Variants in F13A1 observed in about 807,000 individuals in gnomAD.
F13A1 encodes coagulation factor XIII A chain, also known as FSF, A subunit.
A neutral mutation model predicts 80.1 loss-of-function variants in F13A1; 47 were observed. That is an observed-to-expected ratio of 0.59 (90% CI 0.46 to 0.75). F13A1 has a LOEUF of 0.75. Among genes scored for constraint, F13A1 ranks in the 30% least tolerant of loss-of-function variants. The pLI is 0.00. For synonymous variants in F13A1, 349 were observed against 344.9 expected (o/e 1.01, Z -0.13); for missense variants, 817 against 930.4 (o/e 0.88, Z 1.59).
At chr6:6,249,126 T>C (rs895765228) in intron 5 of F13A1, among the ~76,000 whole-genome samples, 4 of 152,238 alleles carry the variant, frequency 2.6e-5, no homozygotes, top group Non-Finnish European at 4.4e-5. Flanking sequence ...AGGAAGATTT[T>C]ACCTATACTG....
intron 4 of F13A1, among the ~76,000 whole-genome samples, chr6:6,252,412 T>C (rs1757645627): frequency 6.6e-6 from 1 of 152,336 alleles, no homozygotes; most frequent in South Asian, 2.1e-4. Context: ...TATGTACATA[T>C]GTATCTATGT....
intron 2 of F13A1, among the ~76,000 whole-genome samples, chr6:6,315,489 G>A (rs1319091142): frequency 1.3e-5 from 2 of 151,774 alleles, no homozygotes; most frequent in Admixed American, 1.3e-4. Flanking sequence ...AAACTTACAT[G>A]AGTTTATACA....
intron 8 of F13A1, among the ~76,000 whole-genome samples, chr6:6,221,581 A>C (rs1184510116): frequency 6.6e-6 from 1 of 152,186 alleles, no homozygotes; most frequent in Non-Finnish European, 1.5e-5. Flanking sequence ...TATTAATAAC[A>C]TCCACCTGAT....
intron 10 of F13A1, among the ~76,000 whole-genome samples, chr6:6,193,472 AC>A (rs1761237329): frequency 6.6e-6 from 1 of 152,142 alleles, no homozygotes; most frequent in Non-Finnish European, 1.5e-5. Flanking sequence ...CACTGCAGGC[AC>A]CCTTGAGAAA....
Position 6,234,128 on chromosome 6 carries a change from G to T in F13A1, c.799-9268C>A, listed in dbSNP as rs114604943. On this transcript the variant is annotated intron_variant, in intron 6 of 14. Coordinates refer to ENST00000264870, the MANE Select transcript of F13A1 (RefSeq NM_000129.4). ...AATAAGTTAAGAGAAAGAAATAAAGGACATCCAAATAGGTAAAGAGGAAGT... is the reference window on the plus strand; with the variant it reads ...AATAAGTTAAGAGAAAGAAATAAAGTACATCCAAATAGGTAAAGAGGAAGT... 2.7e-3 allele frequency among the ~76,000 whole-genome samples: 411 copies of T among 152,098 alleles called. 1 individual carries two copies. The highest frequency in any genetic ancestry group is 9.4e-3 in the African/African-American group (389 of 41,532).
At chr6:6,173,092 G>T (rs571486897) in intron 12 of F13A1, among the ~76,000 whole-genome samples, 47 of 152,284 alleles carry the variant, frequency 3.1e-4, no homozygotes, top group African/African-American at 1.1e-3. Flanking sequence ...TTTGCAACCT[G>T]CTCTAACTCA....
chr6:6,259,034 T>A (rs1297884659), intron 4 of F13A1, among the ~76,000 whole-genome samples: 2 of 152,238 alleles, frequency 1.3e-5, no homozygotes, highest in East Asian at 3.8e-4. Context: ...ACGAAGATTG[T>A]GTCTGCCTTT....
At chr6:6,167,420 C>T in intron 13 of F13A1, 38 bp downstream of exon 13, 1 of 1,608,408 alleles carries the variant, frequency 6.2e-7, no homozygotes, top group Non-Finnish European at 8.5e-7. Flanking sequence ...AGTCTGCGTG[C>T]CTTTGTCTCT....
At chr6:6,294,564 A>C (rs1758288792) in intron 3 of F13A1, among the ~76,000 whole-genome samples, 1 of 150,892 alleles carries the variant, frequency 6.6e-6, no homozygotes, top group Non-Finnish European at 1.5e-5. Context: ...ACACACACGT[A>C]TATGTACAAA....
At chr6:6,161,552 G>GTA (rs1760575089) in intron 13 of F13A1, among the ~76,000 whole-genome samples, 1 of 137,804 alleles carries the variant, frequency 7.3e-6, no homozygotes. Flanking sequence ...GTGTGTGTGT[G>GTA]AGAGAGAGAG....
At chr6:6,148,728 T>A (rs1583042512) in intron 14 of F13A1, among the ~76,000 whole-genome samples, 1 of 152,136 alleles carries the variant, frequency 6.6e-6, no homozygotes, top group East Asian at 1.9e-4. Flanking sequence ...TTGCTCCAAG[T>A]TGTAAGCCCA....
chr6:6,234,506 C>T (rs1401204243), intron 6 of F13A1, among the ~76,000 whole-genome samples: 2 of 151,778 alleles, frequency 1.3e-5, no homozygotes, highest in African/African-American at 4.8e-5. Flanking sequence ...TGAGAAAACT[C>T]TATATAAGTT....
At chr6:6,197,132 T>C in intron 9 of F13A1, 91 bp downstream of exon 9, 2 of 1,205,992 alleles carry the variant, frequency 1.7e-6, no homozygotes, top group Non-Finnish European at 2.4e-6. Flanking sequence ...TGCCTCCCAA[T>C]GGGCGTGGTT....
intron 10 of F13A1, 141 bp from the exon 11 acceptor site, chr6:6,182,282 G>A: frequency 1.2e-6 from 1 of 835,838 alleles, no homozygotes; most frequent in Non-Finnish European, 2.0e-6. Context: ...CGTATCATAG[G>A]GCCAAACAGG....
chr6:6,249,145 T>C (rs918269249), intron 5 of F13A1, among the ~76,000 whole-genome samples: 2 of 152,218 alleles, frequency 1.3e-5, no homozygotes, highest in South Asian at 2.1e-4. Flanking sequence ...TGTACCTCAC[T>C]GTAGTAAGAG....
chr6:6,302,446 C>A (rs2113178725), intron 3 of F13A1, among the ~76,000 whole-genome samples: 1 of 152,230 alleles, frequency 6.6e-6, no homozygotes, highest in Non-Finnish European at 1.5e-5. Context: ...GAATACAGCA[C>A]TGCAGGCAAT....
intron 8 of F13A1, among the ~76,000 whole-genome samples, chr6:6,204,826 T>A (rs990085893): frequency 6.6e-6 from 1 of 152,248 alleles, no homozygotes; most frequent in Non-Finnish European, 1.5e-5. Context: ...AATACAGCTA[T>A]TCATTGTTTG....
At chr6:6,183,730 T>C (rs1761028726) in intron 10 of F13A1, among the ~76,000 whole-genome samples, 1 of 152,178 alleles carries the variant, frequency 6.6e-6, no homozygotes, top group African/African-American at 2.4e-5. Flanking sequence ...AGGTGAAACC[T>C]AGATGGCATT....
intron 8 of F13A1, among the ~76,000 whole-genome samples, chr6:6,210,227 A>AAAT (rs917071735): frequency 2.0e-5 from 3 of 150,070 alleles, no homozygotes; most frequent in African/African-American, 7.4e-5. Flanking sequence ...ACCTGTCTCA[A>AAAT]AATAATAATA....
Sources: allele counts gnomAD v4.1 joint callset (sites outside exome capture counted in the v4.1 genomes callset), GRCh38; gene constraint gnomAD v4.1.1; transcripts MANE v1.5; gene names NCBI Gene and HGNC (gene_info 2026-07-23, HGNC 2026-07-21).